The following NXPH1 variants were observed in gnomAD, a reference collection of about 807,000 sequenced individuals.
NXPH1 encodes neurexophilin 1.
A neutral mutation model predicts 23.7 loss-of-function variants in NXPH1; 5 were observed. The observed-to-expected ratio is 0.21, with a 90% CI of 0.11 to 0.44. NXPH1 has a LOEUF of 0.44. NXPH1 is among the 20% of genes least tolerant of loss of function. The pLI is 0.99. For missense variants in NXPH1, 324 were observed against 321.6 expected (o/e 1.01, Z -0.06); for synonymous variants, 144 against 122.2 (o/e 1.18, Z -1.18).
At chr7:8,500,465 CCT>C (rs1446575928) in intron 2 of NXPH1, among the ~76,000 whole-genome samples, 159 of 152,174 alleles carry the variant, frequency 1.0e-3, no homozygotes, top group African/African-American at 3.6e-3. Flanking sequence ...AGGTTGCCAA[CCT>C]CTCTGTGATT....
intron 2 of NXPH1, among the ~76,000 whole-genome samples, chr7:8,680,048 T>C (rs566462958): frequency 4.4e-4 from 67 of 152,366 alleles, no homozygotes; most frequent in African/African-American, 1.6e-3. Flanking sequence ...TTTGAAACCC[T>C]AGTATGTTTT....
intron 2 of NXPH1, among the ~76,000 whole-genome samples, chr7:8,494,381 C>T (rs112992684): frequency 0.052 from 7,904 of 151,936 alleles, 230 homozygotes; most frequent in South Asian, 0.075. Flanking sequence ...TAGGTAGTAT[C>T]TTTTTCTTTT....
intron 2 of NXPH1, among the ~76,000 whole-genome samples, chr7:8,742,011 G>A (rs1358815031): frequency 1.3e-5 from 2 of 152,114 alleles, no homozygotes; most frequent in African/African-American, 4.8e-5. Flanking sequence ...TTAAATAGCT[G>A]CCTACCTTTC....
At chr7:8,455,415 T>C (rs1045548152) in intron 2 of NXPH1, among the ~76,000 whole-genome samples, 3 of 152,162 alleles carry the variant, frequency 2.0e-5, no homozygotes, top group Admixed American at 2.0e-4. Flanking sequence ...TTTTCATCTG[T>C]GGTGCCATTG....
chr7:8,710,938 A>T (rs1396045244), intron 2 of NXPH1, among the ~76,000 whole-genome samples: 1 of 114,994 alleles, frequency 8.7e-6, no homozygotes, highest in Non-Finnish European at 1.6e-5. Context: ...CTGGGACTAC[A>T]GGCGTGAGCC....
At chr7:8,488,800 T>G (rs76482139) in intron 2 of NXPH1, among the ~76,000 whole-genome samples, 5,577 of 152,174 alleles carry the variant, frequency 0.037, 314 homozygotes, top group African/African-American at 0.13. Context: ...TGAGATAATC[T>G]CTGTATCAGA....
chr7:8,577,485 A>G (rs1818776415), intron 2 of NXPH1, among the ~76,000 whole-genome samples: 1 of 152,056 alleles, frequency 6.6e-6, no homozygotes, highest in Non-Finnish European at 1.5e-5. Context: ...TTGTTTGTTT[A>G]CTGTTTACAT....
At chr7:8,588,560 C>T (rs956367538) in intron 2 of NXPH1, among the ~76,000 whole-genome samples, 4 of 152,096 alleles carry the variant, frequency 2.6e-5, no homozygotes, top group African/African-American at 7.2e-5. Context: ...GTTCAAGGCT[C>T]CCAGGCTTTA....
At chr7:8,677,862 C>A (rs1371565716) in intron 2 of NXPH1, among the ~76,000 whole-genome samples, 3 of 151,974 alleles carry the variant, frequency 2.0e-5, no homozygotes, top group Non-Finnish European at 2.9e-5. Flanking sequence ...TACTCTCAAT[C>A]TTTTTGTCAC....
intron 2 of NXPH1, among the ~76,000 whole-genome samples, chr7:8,497,032 C>T (rs886392267): frequency 6.6e-6 from 1 of 152,056 alleles, no homozygotes; most frequent in African/African-American, 2.4e-5. Context: ...CCATGACAGG[C>T]CCTGGTGTGT....
intron 2 of NXPH1, among the ~76,000 whole-genome samples, chr7:8,521,175 G>A (rs1268045570): frequency 6.6e-6 from 1 of 152,106 alleles, no homozygotes. Flanking sequence ...TGAATGTTTT[G>A]CACTTAAAGA....
At chr7:8,676,094 A>C (rs1820947301) in intron 2 of NXPH1, among the ~76,000 whole-genome samples, 1 of 152,208 alleles carries the variant, frequency 6.6e-6, no homozygotes, top group Non-Finnish European at 1.5e-5. Flanking sequence ...GCAAAAAATA[A>C]AAGTGTAAAG....
At position 8,461,559 on chromosome 7, in the gene NXPH1, G is replaced by T. The variant is rs185296570; in HGVS notation, c.54+25792G>T. Among the ~76,000 whole-genome samples the T allele has an allele frequency of 4.5e-3, 677 of 152,110 alleles. 1 individual carries two copies. Among genetic ancestry groups the T allele is most frequent in the African/African-American group, 0.015 (613 of 41,454 alleles). On this transcript the variant is annotated intron_variant, in intron 2 of 2. Transcript: ENST00000405863. The stretch of plus-strand genomic sequence containing the variant: ...TAAGAATAAACACACGGCCGGGCGC[G>T]GTGGCTCACGCCTGTAATCCCAGCA...
chr7:8,512,343 T>C (rs931050705), intron 2 of NXPH1, among the ~76,000 whole-genome samples: 1 of 152,126 alleles, frequency 6.6e-6, no homozygotes. Flanking sequence ...TTGACAAACA[T>C]TTATGAAATG....
intron 2 of NXPH1, among the ~76,000 whole-genome samples, chr7:8,630,531 T>A (rs1820104526): frequency 6.6e-6 from 1 of 152,124 alleles, no homozygotes; most frequent in Admixed American, 6.6e-5. Flanking sequence ...TGGCATAACA[T>A]TTATAAAAAT....
intron 2 of NXPH1, among the ~76,000 whole-genome samples, chr7:8,588,859 C>G (rs1204091911): frequency 6.6e-6 from 1 of 152,064 alleles, no homozygotes; most frequent in Non-Finnish European, 1.5e-5. Flanking sequence ...AAATTTAGAA[C>G]ACTTTGGAAC....
At chr7:8,558,632 T>C (rs909270040) in intron 2 of NXPH1, among the ~76,000 whole-genome samples, 1 of 151,732 alleles carries the variant, frequency 6.6e-6, no homozygotes, top group Non-Finnish European at 1.5e-5. Context: ...TAGATTCTTA[T>C]ATCTCATAGG....
At chr7:8,556,152 T>C (rs1199133704) in intron 2 of NXPH1, among the ~76,000 whole-genome samples, 1 of 151,536 alleles carries the variant, frequency 6.6e-6, no homozygotes, top group Admixed American at 6.6e-5. Context: ...CAAAAATAAG[T>C]ATCTTTATAA....
intron 2 of NXPH1, among the ~76,000 whole-genome samples, chr7:8,692,825 T>C (rs946389125): frequency 3.3e-5 from 5 of 152,132 alleles, no homozygotes; most frequent in Non-Finnish European, 1.5e-5. Context: ...GGATGCTGTG[T>C]GTAAGTAGGT....
Sources: allele counts gnomAD v4.1 joint callset (sites outside exome capture counted in the v4.1 genomes callset), GRCh38; gene constraint gnomAD v4.1.1; transcripts MANE v1.5; gene names NCBI Gene and HGNC (gene_info 2026-07-23, HGNC 2026-07-21).